PRPF6: variants seen among roughly 807,000 people sequenced by gnomAD.
PRPF6 encodes pre-mRNA-processing factor 6.
In PRPF6, 42 loss-of-function variants were observed where a neutral mutation model predicts 118.3. The observed-to-expected ratio is 0.35, with a 90% CI of 0.28 to 0.46. PRPF6 has a LOEUF of 0.46. PRPF6 is among the 20% of genes least tolerant of loss of function. The pLI is 1.00. For missense variants in PRPF6, 662 were observed against 1,255.7 expected (o/e 0.53, Z 7.15); for synonymous variants, 481 against 485.1 (o/e 0.99, Z 0.11).
intron 3 of PRPF6, among the ~76,000 whole-genome samples, chr20:63,985,482 G>A (rs1231493965): frequency 6.6e-6 from 1 of 152,208 alleles, no homozygotes. Flanking sequence ...TAAGCACTGG[G>A]CTGTTACAGA....
rs181555648 is a variant in PRPF6, at chr20:64,018,220, T to A, written c.1647+1375T>A. Among the ~76,000 whole-genome samples the A allele has an allele frequency of 3.3e-4, 50 of 152,282 alleles. 1 individual carries two copies. The East Asian group carries it at 7.9e-3, about 24-fold the overall frequency. On this transcript the variant is annotated intron_variant, in intron 12 of 20. Coordinates refer to ENST00000266079, the MANE Select transcript of PRPF6 (RefSeq NM_012469.4). ...AAAAAAGAAAAAGTCTCACCCGTTG[T>A]CTCTGTGTCCTTTTAGCAGAAGAAA...
intron 6 of PRPF6, among the ~76,000 whole-genome samples, chr20:63,996,953 AT>A (rs571395254): frequency 2.8e-4 from 42 of 152,238 alleles, no homozygotes; most frequent in Admixed American, 1.0e-3. Flanking sequence ...TGTCACAGTA[AT>A]TTTTTTGTGG....
rs2059106271 is a variant in PRPF6, at chr20:63,988,840, G to GC, written c.359+3817dup. 2.0e-5 allele frequency among the ~76,000 whole-genome samples: 3 copies of GC among 151,712 alleles called. No homozygotes were observed. The South Asian group carries it at 6.2e-4, about 32-fold the overall frequency. On this transcript the variant is annotated intron_variant, in intron 3 of 20. Coordinates refer to ENST00000266079, the MANE Select transcript of PRPF6 (RefSeq NM_012469.4). ...GCTGAGATCGTGCCATTGCACTCCG[G>GC]CCTGGGCAACAGAGTGAGACTCCGT...
intron 1 of PRPF6, among the ~76,000 whole-genome samples, chr20:63,982,830 G>A (rs1174606261): frequency 6.6e-6 from 1 of 152,192 alleles, no homozygotes; most frequent in Admixed American, 6.5e-5. Flanking sequence ...TTAGGGTGGA[G>A]AGAGATTGCC....
chr20:64,027,780 C>G lies in PRPF6; in HGVS notation c.2339+44C>G. On this transcript the variant is annotated intron_variant, in intron 17 of 20. Transcript: ENST00000266079. The surrounding 1 kb of genome is among the most constrained non-coding windows in gnomAD (Gnocchi z 6.5). Reference sequence around the variant, plus strand: ...AGCCTGGCCTCTGGGCACAGCTTCCCCATCAGGTGGGCCGCCGTCACCCAG... The same window carrying G: ...AGCCTGGCCTCTGGGCACAGCTTCCGCATCAGGTGGGCCGCCGTCACCCAG... The G allele has an allele frequency of 1.2e-6, 2 of 1,612,316 alleles. No homozygotes were observed. Among genetic ancestry groups the G allele is most frequent in the Non-Finnish European group, 1.7e-6 (2 of 1,179,694 alleles).
At position 63,995,356 on chromosome 20, in the gene PRPF6, A is replaced by G. The variant is rs1429511481; in HGVS notation, c.645A>G (p.Pro215=). 1.2e-6 allele frequency: 2 copies of G among 1,613,666 alleles called. No homozygotes were observed. The highest frequency in any genetic ancestry group is 8.5e-7 in the Non-Finnish European group (1 of 1,179,804). The change falls in exon 6 of 21, where the codon CCA becomes CCG. Residue 215 remains proline (P), a synonymous_variant. Transcript: ENST00000266079. ...TQFGGLNTPY[P]GGLNTPYPGG... Reference sequence around the variant, plus strand: ...TTGGAGGTCTTAACACACCCTATCCAGGTGGACTAAACACTCCATACCCAG... The same window carrying G: ...TTGGAGGTCTTAACACACCCTATCCGGGTGGACTAAACACTCCATACCCAG...
intron 12 of PRPF6, among the ~76,000 whole-genome samples, chr20:64,017,662 C>T (rs561737494): frequency 2.0e-5 from 3 of 152,250 alleles, no homozygotes; most frequent in African/African-American, 7.2e-5. Context: ...GGATCACAGG[C>T]GTGAGGCGCC....
intron 3 of PRPF6, among the ~76,000 whole-genome samples, chr20:63,985,581 C>T (rs1056673173): frequency 9.9e-5 from 15 of 152,096 alleles, no homozygotes; most frequent in Admixed American, 3.3e-4. Context: ...ATTACTTTTA[C>T]GATACATCAG....
In PRPF6 at chr20:64,011,190, G is replaced by A. The variant is rs2059215404; in HGVS notation, c.1306-95G>A. Reference sequence around the variant, plus strand: ...TGGTTCTCGAGAGCTAAGAAAGAACGTGGTGGCCAACGCTGGAGGGTGGGT... The same window carrying A: ...TGGTTCTCGAGAGCTAAGAAAGAACATGGTGGCCAACGCTGGAGGGTGGGT... On this transcript the variant is annotated intron_variant, in intron 10 of 20. Coordinates refer to ENST00000266079, the MANE Select transcript of PRPF6 (RefSeq NM_012469.4). This position sits in a 1 kb window ranked among gnomAD's most constrained non-coding sequence, Gnocchi z 6.7. The A allele has an allele frequency of 1.5e-5, 17 of 1,102,980 alleles. No individual in the cohort carries two copies. The highest frequency in any genetic ancestry group is 2.6e-5 in the South Asian group (2 of 76,768). The allele number at this position is 1,102,980 out of a possible 1,614,324, so 68.3% of individuals were successfully genotyped here. A position where few individuals can be genotyped will look rare whatever the true frequency, so the allele number is the denominator to read the frequency against.
At chr20:64,008,427 T>C (rs2059200093) in intron 9 of PRPF6, among the ~76,000 whole-genome samples, 1 of 152,150 alleles carries the variant, frequency 6.6e-6, no homozygotes, top group Non-Finnish European at 1.5e-5. Context: ...GTGTTTTTTT[T>C]TTCTTTTTTT....
Position 64,011,624 on chromosome 20 carries a change from A to T in PRPF6, c.1524+121A>T. On this transcript the variant is annotated intron_variant, in intron 11 of 20. Transcript: ENST00000266079. The surrounding 1 kb of genome is among the most constrained non-coding windows in gnomAD (Gnocchi z 6.7). ...GGGAGTCCTGTGCCAAACCAGAAGC[A>T]GGCACAGGTGTGAATGGGCCCTGAG... 1 of 1,148,374 alleles carries T rather than the reference A, an allele frequency of 8.7e-7. No individual in the cohort carries two copies. The highest frequency in any genetic ancestry group is 1.3e-6 in the Non-Finnish European group (1 of 795,114). The allele number at this position is 1,148,374 out of a possible 1,614,324, so 71.1% of individuals were successfully genotyped here. A position where few individuals can be genotyped will look rare whatever the true frequency, so the allele number is the denominator to read the frequency against.
intron 3 of PRPF6, among the ~76,000 whole-genome samples, chr20:63,990,378 G>A (rs1021463876): frequency 6.6e-6 from 1 of 152,042 alleles, no homozygotes; most frequent in African/African-American, 2.4e-5. Context: ...AAGTCAATGT[G>A]CCTGGCCTGG....
Position 64,027,844 on chromosome 20 carries a change from C to CCTGAGCCTGGA in PRPF6, c.2339+108_2339+109insCTGAGCCTGGA. 6.6e-7 allele frequency: 1 copy of CCTGAGCCTGGA among 1,520,612 alleles called. No homozygotes were observed. Among genetic ancestry groups the CCTGAGCCTGGA allele is most frequent in the Non-Finnish European group, 9.1e-7 (1 of 1,099,630 alleles). 94.2% of individuals were successfully genotyped at this position (1,520,612 alleles called of 1,614,324 possible). ...GTCACTCGTGCAGTGCTTCCAGGCTCAGGGGCTTGGGGGGCGGTAGGTGCT... is the reference window on the plus strand; with the variant it reads ...GTCACTCGTGCAGTGCTTCCAGGCTCCTGAGCCTGGAAGGGGCTTGGGGGGCGGTAGGTGCT... On this transcript the variant is annotated intron_variant, in intron 17 of 20. Transcript: ENST00000266079. This position sits in a 1 kb window ranked among gnomAD's most constrained non-coding sequence, Gnocchi z 6.5.
intron 8 of PRPF6, among the ~76,000 whole-genome samples, chr20:64,000,473 A>C (rs1312180788): frequency 3.5e-5 from 5 of 141,734 alleles, no homozygotes; most frequent in Admixed American, 7.1e-5. Context: ...AAAAAAAAAA[A>C]CAACAAAAAA....
At position 63,995,596 on chromosome 20, in the gene PRPF6, CCTCCTTCTT is replaced by C. The variant is rs950832017; in HGVS notation, c.771+123_771+131del. 5.0e-6 allele frequency: 6 copies of C among 1,210,442 alleles called. No individual in the cohort carries two copies. The Admixed American group carries it at 1.2e-4, about 25-fold the overall frequency. 75.0% of individuals were successfully genotyped at this position (1,210,442 alleles called of 1,614,324 possible). On this transcript the variant is annotated intron_variant, in intron 6 of 20. Transcript: ENST00000266079. Reference sequence around the variant, plus strand: ...TTTTTCTTCTCCTCCTTCTCCTCCTCCTCCTTCTTCTCCTTCTCCTTTTTTTTTTTTTGG... The same window carrying C: ...TTTTTCTTCTCCTCCTTCTCCTCCTCCTCCTTCTCCTTTTTTTTTTTTTGG...
chr20:63,983,442 T>C (rs1450198865), intron 2 of PRPF6, among the ~76,000 whole-genome samples: 3 of 151,896 alleles, frequency 2.0e-5, no homozygotes, highest in African/African-American at 7.2e-5. Context: ...TTAGGACCAC[T>C]GCCTTGGCAT....
chr20:64,003,281 AT>A (rs1429109811), intron 9 of PRPF6, among the ~76,000 whole-genome samples: 2 of 152,148 alleles, frequency 1.3e-5, no homozygotes, highest in African/African-American at 2.4e-5. Flanking sequence ...AATAAAGTGT[AT>A]TTTATGGAAT....
Position 64,026,067 on chromosome 20 carries a change from T to C in PRPF6, c.2028+9T>C. 6.2e-7 allele frequency: 1 copy of C among 1,602,172 alleles called. No homozygotes were observed. The highest frequency in any genetic ancestry group is 8.5e-7 in the Non-Finnish European group (1 of 1,179,558). ...GTGCCCCCACCGCCCGGGTACGCAG[T>C]GGCAGGCAGGGCTGGGCCGTCTGGG... On this transcript the variant is annotated intron_variant, in intron 15 of 20. Transcript: ENST00000266079. This position sits in a 1 kb window ranked among gnomAD's most constrained non-coding sequence, Gnocchi z 4.4.
intron 19 of PRPF6, 116 bp from the exon 20 acceptor site, chr20:64,031,802 G>A (rs939365639): frequency 6.3e-6 from 9 of 1,418,784 alleles, no homozygotes; most frequent in African/African-American, 1.4e-5. Context: ...CCTTCTTGAG[G>A]GGAGCACCAG....
Sources: allele counts gnomAD v4.1 joint callset (sites outside exome capture counted in the v4.1 genomes callset), GRCh38; gene constraint gnomAD v4.1.1; non-coding constraint Gnocchi (gnomAD v3.1); transcripts MANE v1.5; gene names NCBI Gene and HGNC (gene_info 2026-07-23, HGNC 2026-07-21).